The following SCRIB variants were observed in gnomAD, a reference collection of about 807,000 sequenced individuals.
SCRIB encodes the protein scribble planar cell polarity protein, also known as protein scribble homolog.
A neutral mutation model predicts 170.0 loss-of-function variants in SCRIB; 72 were observed. The observed-to-expected ratio is 0.42, with a 90% confidence interval of 0.35 to 0.52. The LOEUF is 0.52. Ranked by LOEUF, SCRIB falls within the 20% of genes least tolerant of loss-of-function variation. The probability of loss-of-function intolerance (pLI) is 0.02; values close to 1 mark genes in which losing one functional copy is unlikely to be tolerated. For missense variants in SCRIB, 2,475 were observed against 2,338.5 expected (o/e 1.06, Z -1.20); for synonymous variants, 1,298 against 1,044.3 (o/e 1.24, Z -4.68).
Position 143,810,828 on chromosome 8 carries a change from GA to G in SCRIB, c.1274-13del, listed in dbSNP as rs766062006. On this transcript the variant is annotated splice_polypyrimidine_tract_variant and intron_variant, in intron 11 of 36. Coordinates refer to ENST00000356994, the MANE Select transcript of SCRIB (RefSeq NM_182706.5). The stretch of plus-strand genomic sequence containing the variant: ...CTGCCCAGCATCCTCTGCAGCAGGT[GA>G]GCGTCAGGACCCAGGCTAGTCCCCA... 15 of 1,601,370 alleles carry G rather than the reference GA, an allele frequency of 9.4e-6. No individual in the cohort carries two copies. The highest frequency in any genetic ancestry group is 1.3e-5 in the African/African-American group (1 of 74,850).
In SCRIB at chr8:143,807,615, C is replaced by T; in HGVS notation, c.2116-1G>A. On this transcript the variant is annotated splice_acceptor_variant, in intron 15 of 36. Transcript: ENST00000356994. LOFTEE classifies it high-confidence loss of function. ...TATTGGCCTGGTCAAACGACACTCC[C>T]TGTTAGGACAGGACCAGTGAGGCAT... is the stretch of plus-strand genomic sequence containing the variant. 6.2e-7 allele frequency: 1 copy of T among 1,613,714 alleles called. No individual in the cohort carries two copies. The highest frequency in any genetic ancestry group is 8.5e-7 in the Non-Finnish European group (1 of 1,179,676).
Position 143,812,379 on chromosome 8 carries a change from G to C in SCRIB, c.793C>G (p.Leu265Val). 3 of 1,610,660 alleles carry C rather than the reference G, an allele frequency of 1.9e-6. No individual in the cohort carries two copies. Among genetic ancestry groups the C allele is most frequent in the Non-Finnish European group, 2.5e-6 (3 of 1,177,090 alleles). The change falls in exon 9 of 37, where the codon CTG becomes GTG. Residue 265 changes from leucine (L) to valine (V), a missense_variant. Coordinates refer to ENST00000356994, the MANE Select transcript of SCRIB (RefSeq NM_182706.5). The stretch of plus-strand genomic sequence containing the variant: ...ACCTTTAGGATGGATAGCTGCTTCA[G>C]CTGACCTGGCGTCGGGGAGACAGGG... ...LRRLPDGIGQ[L>V]KQLSILKVDQ...
chr8:143,807,423 G>A lies in SCRIB; in HGVS notation c.2178+129C>T, dbSNP rs1815477640. On this transcript the variant is annotated intron_variant, in intron 16 of 36. Transcript: ENST00000356994. Reference sequence around the variant, plus strand: ...GGAGGTGTCCTGATCCTGGAGCCCAGCTGGATCTGAGAGCTCTTTTGAGAG... The same window carrying A: ...GGAGGTGTCCTGATCCTGGAGCCCAACTGGATCTGAGAGCTCTTTTGAGAG... The A allele has an allele frequency of 9.7e-6, 8 of 821,902 alleles. No homozygotes were observed. The Admixed American group carries it at 1.2e-4, about 12-fold the overall frequency. The allele number at this position is 821,902 out of a possible 1,614,324, so 50.9% of individuals were successfully genotyped here.
chr8:143,795,233 C>T (rs374202085), intron 26 of SCRIB, 44 bp downstream of exon 26: 313 of 1,610,980 alleles, frequency 1.9e-4, no homozygotes, highest in Admixed American at 8.3e-5. Context: ...ATGTGCACCC[C>T]GCTCCAGTGC....
intron 22 of SCRIB, 51 bp downstream of exon 22, chr8:143,803,995 T>C: frequency 6.3e-7 from 1 of 1,575,548 alleles, no homozygotes; most frequent in Non-Finnish European, 8.6e-7. Context: ...CCTGCGCTGG[T>C]ACCTGGGATG....
At chr8:143,810,661 G>GC (rs760064611) in intron 12 of SCRIB, 25 bp downstream of exon 12, 19 of 1,602,146 alleles carry the variant, frequency 1.2e-5, no homozygotes, top group Admixed American at 6.7e-5. Context: ...GCAGAGGTTC[G>GC]CCCCCCAGAT....
chr8:143,815,464 G>C lies in SCRIB; in HGVS notation c.-92C>G. On this transcript the variant is annotated 5_prime_UTR_variant, in exon 1 of 37. Transcript: ENST00000356994. ...CAGTCCGCATGGGCGCCGCGCATGG[G>C]GAGGGGGCGCAGGCAGGGGGCGGGC... is the stretch of plus-strand genomic sequence containing the variant. 6.4e-6 allele frequency: 7 copies of C among 1,093,664 alleles called. No individual in the cohort carries two copies. The South Asian group carries it at 3.0e-4, about 47-fold the overall frequency. The allele number at this position is 1,093,664 out of a possible 1,614,324, so 67.7% of individuals were successfully genotyped here. A position where few individuals can be genotyped will look rare whatever the true frequency, so the allele number is the denominator to read the frequency against.
In SCRIB at chr8:143,813,700, C is replaced by T. The variant is rs375530176; in HGVS notation, c.383G>A (p.Arg128His). 62 of 1,613,450 alleles carry T rather than the reference C, an allele frequency of 3.8e-5. No homozygotes were observed. The highest frequency in any genetic ancestry group is 4.9e-5 in the Non-Finnish European group (58 of 1,180,020). ...SRLPDGFTQLRSLAHLALNDV... is the reference protein window; with the variant it reads ...SRLPDGFTQLHSLAHLALNDV... ...ATTCAGGGCCAGGTGAGCCAGGCTG[C>T]GCAGCTGAGTGAAGCCATCAGGGAG... Residue 128 changes from arginine (R) to histidine (H), a missense_variant, in exon 4 of 37, where the codon CGC becomes CAC. Coordinates refer to ENST00000356994, the MANE Select transcript of SCRIB (RefSeq NM_182706.5).
At chr8:143,808,133 G>C (rs898658214) in intron 15 of SCRIB, among the ~76,000 whole-genome samples, 5 of 152,232 alleles carry the variant, frequency 3.3e-5, no homozygotes, top group African/African-American at 1.2e-4. Context: ...GGAGAGCCCA[G>C]TGATCTTGGG....
rs1820067194 is a variant in SCRIB at position 143,791,298 on chromosome 8, C to T, written c.4833G>A (p.Glu1611=). The change falls in exon 37 of 37, where the codon GAG becomes GAA. Residue 1611 remains glutamate (E), a synonymous_variant. Coordinates refer to ENST00000356994, the MANE Select transcript of SCRIB (RefSeq NM_182706.5). ...GCACCAGAGCCACTTCTCCATCCTC[C>T]TCCTGCGGGCCTGGAGGGCAGGGAC... ...LEPSPSPGPQ[E]EDGEVALVLL... The T allele has an allele frequency of 1.9e-6, 3 of 1,562,012 alleles. No individual in the cohort carries two copies. Among genetic ancestry groups the T allele is most frequent in the Admixed American group, 1.9e-5 (1 of 51,704 alleles).
At chr8:143,794,594 CTCTAAGGGG>C (rs1374013931) in intron 27 of SCRIB, among the ~76,000 whole-genome samples, 1 of 152,014 alleles carries the variant, frequency 6.6e-6, no homozygotes, top group Non-Finnish European at 1.5e-5. Context: ...TTATTTGTAT[CTCTAAGGGG>C]AGGGATGGGC....
chr8:143,812,205 CCT>C, intron 9 of SCRIB, 59 bp downstream of exon 9: 6 of 1,097,756 alleles, frequency 5.5e-6, no homozygotes, highest in East Asian at 2.4e-5. Flanking sequence ...AGGCTGATGC[CCT>C]GTCCTTGTTC....
chr8:143,792,371 C>A lies in SCRIB; in HGVS notation c.4363G>T (p.Gly1455Cys). Reference sequence around the variant, plus strand: ...GCTTTGGCCGTCCGCACCGGGGCGCCACCTCCCAGGGGTGGGGGGGACGCC... The same window carrying A: ...GCTTTGGCCGTCCGCACCGGGGCGCAACCTCCCAGGGGTGGGGGGGACGCC... ...SPASPPPLGG[G>C]APVRTAKAER... The change falls in exon 32 of 37, where the codon GGC becomes TGC. Residue 1455 changes from glycine (G) to cysteine (C), a missense_variant. Transcript: ENST00000356994. 1 of 1,526,242 alleles carries A rather than the reference C, an allele frequency of 6.6e-7. No homozygotes were observed. Among genetic ancestry groups the A allele is most frequent in the South Asian group, 1.2e-5 (1 of 81,722 alleles). 94.5% of individuals were successfully genotyped at this position (1,526,242 alleles called of 1,614,324 possible).
At position 143,805,441 on chromosome 8, in the gene SCRIB, G is replaced by A. The variant is rs781966503; in HGVS notation, c.2347-6C>T. Reference sequence around the variant, plus strand: ...TGCAGAGCCACACCATTCACCTGCGGGCCAGGGACCACGTGCGTATTCAGG... The same window carrying A: ...TGCAGAGCCACACCATTCACCTGCGAGCCAGGGACCACGTGCGTATTCAGG... On this transcript the variant is annotated splice_region_variant and splice_polypyrimidine_tract_variant and intron_variant, in intron 18 of 36. Coordinates refer to ENST00000356994, the MANE Select transcript of SCRIB (RefSeq NM_182706.5). 2 of 1,482,450 alleles carry A rather than the reference G, an allele frequency of 1.3e-6. No individual in the cohort carries two copies. Among genetic ancestry groups the A allele is most frequent in the Non-Finnish European group, 1.8e-6 (2 of 1,118,496 alleles). 91.8% of individuals were successfully genotyped at this position (1,482,450 alleles called of 1,614,324 possible). A position where few individuals can be genotyped will look rare whatever the true frequency, so the allele number is the denominator to read the frequency against.
chr8:143,812,500 G>C, intron 8 of SCRIB, 116 bp from the exon 9 acceptor site: 2 of 825,394 alleles, frequency 2.4e-6, no homozygotes, highest in Non-Finnish European at 4.0e-6. Context: ...TTCTGCCGCC[G>C]CCGTACTTCG....
chr8:143,804,828 G>C lies in SCRIB; in HGVS notation c.2752-3C>G. On this transcript the variant is annotated splice_polypyrimidine_tract_variant and splice_region_variant and intron_variant, in intron 20 of 36. Coordinates refer to ENST00000356994, the MANE Select transcript of SCRIB (RefSeq NM_182706.5). ...TCAGTCACGTCCACTCCATTAATCT[G>C]TGAGAGCGTGCCCGAATCAGGGAGG... is the stretch of plus-strand genomic sequence containing the variant. 1 of 1,582,532 alleles carries C rather than the reference G, an allele frequency of 6.3e-7. No individual in the cohort carries two copies. The highest frequency in any genetic ancestry group is 2.3e-5 in the East Asian group (1 of 44,076).
At chr8:143,793,353 G>A (rs1554633430) in intron 28 of SCRIB, 2 of 404,548 alleles carry the variant, frequency 4.9e-6, no homozygotes, top group Non-Finnish European at 8.7e-6. Context: ...AAAAAAGGCA[G>A]GTGGGGGCGG....
chr8:143,795,989 C>T (rs1554634033), intron 24 of SCRIB, among the ~76,000 whole-genome samples: 1 of 152,152 alleles, frequency 6.6e-6, no homozygotes, highest in East Asian at 1.9e-4. Context: ...AAACAAGGGA[C>T]ACCATGCAGG....
intron 24 of SCRIB, among the ~76,000 whole-genome samples, chr8:143,802,087 T>C (rs1473179235): frequency 1.3e-5 from 2 of 152,186 alleles, no homozygotes; most frequent in Non-Finnish European, 2.9e-5. Context: ...GATACACATT[T>C]AAAATAATAA....
Sources: allele counts gnomAD v4.1 joint callset (sites outside exome capture counted in the v4.1 genomes callset), GRCh38; gene constraint gnomAD v4.1.1; transcripts MANE v1.5; gene names NCBI Gene and HGNC (gene_info 2026-07-23, HGNC 2026-07-21).